DYM: variants seen among roughly 807,000 people sequenced by gnomAD.
DYM encodes the protein dymeclin.
Under a neutral mutation model 93.1 loss-of-function variants are expected in DYM, and 78 were observed. That is an observed-to-expected ratio of 0.84 (90% CI 0.70 to 1.01). The LOEUF is 1.01. Ranked by LOEUF, DYM falls within the 50% of genes least tolerant of loss-of-function variation. The pLI is 0.00. For missense variants in DYM, 789 were observed against 845.0 expected (o/e 0.93, Z 0.82); for synonymous variants, 321 against 319.7 (o/e 1.00, Z -0.04).
chr18:49,220,967 C>A (rs1049520790), intron 13 of DYM, among the ~76,000 whole-genome samples: 12 of 152,142 alleles, frequency 7.9e-5, no homozygotes, highest in African/African-American at 2.9e-4. Context: ...AGTGAACAGG[C>A]AACCTAGAGA....
At chr18:49,457,232 G>A (rs2083059876) in intron 1 of DYM, among the ~76,000 whole-genome samples, 1 of 152,104 alleles carries the variant, frequency 6.6e-6, no homozygotes, top group Non-Finnish European at 1.5e-5. Flanking sequence ...TGAAATGGGG[G>A]TGCCTTTATC....
intron 16 of DYM, among the ~76,000 whole-genome samples, chr18:49,111,353 A>G (rs557228529): frequency 6.6e-6 from 1 of 152,290 alleles, no homozygotes; most frequent in East Asian, 1.9e-4. Flanking sequence ...TCCCAGCCTG[A>G]CAGTTCCAAC....
In DYM at chr18:49,256,991, T is replaced by C; in HGVS notation, c.1460+19A>G. Reference sequence around the variant, plus strand: ...TCAGCCAGAGGCAAATCAGTATTTCTTTTAAAGTTCATATTTACCTGATGA... The same window carrying C: ...TCAGCCAGAGGCAAATCAGTATTTCCTTTAAAGTTCATATTTACCTGATGA... On this transcript the variant is annotated intron_variant, in intron 13 of 17. Transcript: ENST00000675505. 1 of 1,597,098 alleles carries C rather than the reference T, an allele frequency of 6.3e-7. No individual in the cohort carries two copies. The highest frequency in any genetic ancestry group is 8.6e-7 in the Non-Finnish European group (1 of 1,164,662).
chr18:49,404,254 C>T (rs995784148), intron 2 of DYM, among the ~76,000 whole-genome samples: 5 of 152,086 alleles, frequency 3.3e-5, no homozygotes, highest in Non-Finnish European at 5.9e-5. Flanking sequence ...GTGATCCTCC[C>T]GCCTAGGCCT....
At chr18:49,216,376 G>A (rs558036357) in intron 13 of DYM, among the ~76,000 whole-genome samples, 2 of 152,210 alleles carry the variant, frequency 1.3e-5, no homozygotes, top group Non-Finnish European at 2.9e-5. Flanking sequence ...AAATGTCCCT[G>A]TTTGACAGCT....
At chr18:49,118,717 A>G (rs767535457) in intron 16 of DYM, 27 bp downstream of exon 16, 2 of 1,594,160 alleles carry the variant, frequency 1.3e-6, no homozygotes, top group Non-Finnish European at 1.7e-6. Flanking sequence ...AAAAAGAATC[A>G]TAATAAATGT....
intron 14 of DYM, among the ~76,000 whole-genome samples, chr18:49,193,280 A>G (rs944721741): frequency 6.6e-6 from 1 of 152,158 alleles, no homozygotes. Flanking sequence ...GTTAGCTATT[A>G]TCACCACTAC....
intron 13 of DYM, among the ~76,000 whole-genome samples, chr18:49,214,062 G>A (rs937251171): frequency 2.6e-5 from 4 of 152,074 alleles, no homozygotes; most frequent in African/African-American, 7.2e-5. Flanking sequence ...CAAAAGACAC[G>A]GATTCCCTTA....
chr18:49,100,420 A>G (rs148195175), intron 16 of DYM, among the ~76,000 whole-genome samples: 264 of 152,222 alleles, frequency 1.7e-3, no homozygotes, highest in African/African-American at 5.8e-3. Context: ...TAATGCAATG[A>G]CAGTTTTGCT....
intron 13 of DYM, among the ~76,000 whole-genome samples, chr18:49,217,975 T>A (rs1442604688): frequency 6.6e-6 from 1 of 152,038 alleles, no homozygotes; most frequent in African/African-American, 2.4e-5. Context: ...GGATAAACGG[T>A]CAAGACCCAT....
chr18:49,352,424 C>T (rs1317614633), intron 6 of DYM, among the ~76,000 whole-genome samples: 3 of 152,076 alleles, frequency 2.0e-5, no homozygotes, highest in Admixed American at 2.0e-4. Flanking sequence ...GGAAAAAACA[C>T]AAAAAGCTAA....
At chr18:49,292,624 A>AAAAAAAAAAAAAAAAAC (rs1568189068) in intron 8 of DYM, among the ~76,000 whole-genome samples, 1 of 65,054 alleles carries the variant, frequency 1.5e-5, no homozygotes, top group African/African-American at 5.4e-5. Flanking sequence ...AAAAAAAAAA[A>AAAAAAAAAAAAAAAAAC]ACCCCCACAA....
At chr18:49,299,611 C>T (rs1183038975) in intron 8 of DYM, among the ~76,000 whole-genome samples, 1 of 152,072 alleles carries the variant, frequency 6.6e-6, no homozygotes, top group Non-Finnish European at 1.5e-5. Flanking sequence ...TGAGAGAGGG[C>T]CTTCCCTCCT....
chr18:49,302,182 T>G (rs1355710546), intron 8 of DYM, among the ~76,000 whole-genome samples: 2 of 152,210 alleles, frequency 1.3e-5, no homozygotes, highest in African/African-American at 4.8e-5. Flanking sequence ...ATCAGATCTC[T>G]GAAGAAAACT....
intron 13 of DYM, among the ~76,000 whole-genome samples, chr18:49,235,840 A>G (rs1598818635): frequency 6.6e-6 from 1 of 151,900 alleles, no homozygotes; most frequent in Non-Finnish European, 1.5e-5. Context: ...ATATTCACTC[A>G]ATTTTGTAAG....
At chr18:49,103,329 T>C (rs1599762654) in intron 16 of DYM, among the ~76,000 whole-genome samples, 1 of 152,182 alleles carries the variant, frequency 6.6e-6, no homozygotes. Context: ...GTCAGATGGG[T>C]AGATGGCAAA....
intron 13 of DYM, among the ~76,000 whole-genome samples, chr18:49,253,452 A>T (rs2145036416): frequency 6.6e-6 from 1 of 152,316 alleles, no homozygotes; most frequent in East Asian, 1.9e-4. Context: ...AGCTCAAGAC[A>T]AATATTTTCT....
intron 17 of DYM, among the ~76,000 whole-genome samples, chr18:49,053,571 G>A (rs141270747): frequency 9.9e-5 from 15 of 152,214 alleles, no homozygotes; most frequent in Non-Finnish European, 1.9e-4. Context: ...CGCAGGTCGG[G>A]AGTGATGGGT....
intron 2 of DYM, among the ~76,000 whole-genome samples, chr18:49,425,886 T>C (rs2074235251): frequency 6.6e-6 from 1 of 151,762 alleles, no homozygotes; most frequent in Non-Finnish European, 1.5e-5. Context: ...CATTAAAAAG[T>C]CAGGAAACAA....
Sources: gnomAD v4.1 joint callset for allele counts (sites outside exome capture counted in the v4.1 genomes callset) on GRCh38, gnomAD v4.1.1 for gene constraint, MANE v1.5 for transcripts, NCBI Gene and HGNC (gene_info 2026-07-23, HGNC 2026-07-21) for gene names.